TNR: variants seen among roughly 807,000 people sequenced by gnomAD.
The protein encoded by TNR is tenascin R.
A neutral mutation model predicts 150.4 loss-of-function variants in TNR; 45 were observed. The observed-to-expected ratio is 0.30, with a 90% CI of 0.24 to 0.38. The LOEUF is 0.38. Ranked by LOEUF, TNR falls within the 10% of genes least tolerant of loss-of-function variation. TNR has a pLI of 1.00. For missense variants in TNR, 1,544 were observed against 1,759.1 expected, an observed-to-expected ratio of 0.88 and a Z score of 2.19; for synonymous variants, 687 against 678.4, an observed-to-expected ratio of 1.01 and a Z score of -0.20.
chr1:175,552,163 G>A (rs895922774), intron 1 of TNR, among the ~76,000 whole-genome samples: 1 of 152,212 alleles, frequency 6.6e-6, no homozygotes, highest in African/African-American at 2.4e-5. Context: ...CCAATTCCAT[G>A]TCGGTAGGTA....
intron 22 of TNR, 102 bp from the exon 23 acceptor site, chr1:175,323,578 T>C: frequency 6.6e-7 from 1 of 1,508,192 alleles, no homozygotes; most frequent in Non-Finnish European, 8.9e-7. Flanking sequence ...CAATGTGGGG[T>C]TAGCTATTTT....
intron 1 of TNR, among the ~76,000 whole-genome samples, chr1:175,681,665 A>G (rs1271765486): frequency 2.0e-5 from 3 of 152,174 alleles, no homozygotes; most frequent in African/African-American, 7.2e-5. Context: ...TTCCTCTGTA[A>G]CCACGTCTCC....
chr1:175,427,870 C>G (rs1655079047), intron 2 of TNR, among the ~76,000 whole-genome samples: 1 of 125,526 alleles, frequency 8.0e-6, no homozygotes, highest in South Asian at 2.6e-4. Flanking sequence ...TCCTTCCTTC[C>G]TTCTTCCCTC....
chr1:175,456,874 G>A (rs1656594359), intron 2 of TNR, among the ~76,000 whole-genome samples: 1 of 152,190 alleles, frequency 6.6e-6, no homozygotes, highest in Non-Finnish European at 1.5e-5. Flanking sequence ...GGAGGTCAGG[G>A]CAGTAAGGGG....
chr1:175,606,486 T>A (rs1295179878), intron 1 of TNR, among the ~76,000 whole-genome samples: 2 of 152,212 alleles, frequency 1.3e-5, no homozygotes. Flanking sequence ...ACTCTAAATT[T>A]GTCACAAATC....
intron 4 of TNR, among the ~76,000 whole-genome samples, chr1:175,400,118 G>C (rs2102042577): frequency 6.6e-6 from 1 of 152,302 alleles, no homozygotes; most frequent in South Asian, 2.1e-4. Flanking sequence ...ACCATCACTG[G>C]GGACAGATGT....
chr1:175,458,022 C>T (rs1656641019), intron 2 of TNR, among the ~76,000 whole-genome samples: 1 of 152,182 alleles, frequency 6.6e-6, no homozygotes. Context: ...CCTAGGTTTT[C>T]CATCTGTAAA....
chr1:175,344,807 C>G (rs1449197996), intron 18 of TNR, among the ~76,000 whole-genome samples: 1 of 152,174 alleles, frequency 6.6e-6, no homozygotes, highest in Non-Finnish European at 1.5e-5. Flanking sequence ...TTTATATACT[C>G]TTTTCCAGGA....
chr1:175,544,424 A>G (rs1006982905), intron 1 of TNR, among the ~76,000 whole-genome samples: 5 of 152,216 alleles, frequency 3.3e-5, no homozygotes, highest in African/African-American at 1.2e-4. Flanking sequence ...GGAACAATTA[A>G]GCCTTCTCAG....
rs539162445 is a variant in TNR at position 175,635,937 on chromosome 1, T to C, written c.-165+107289A>G. Among the ~76,000 whole-genome samples, 178 of 152,310 alleles carry C rather than the reference T, an allele frequency of 1.2e-3. 1 individual carries two copies. The highest frequency in any genetic ancestry group is 4.2e-3 in the African/African-American group (173 of 41,560). Reference sequence around the variant, plus strand: ...TTCCCTACACAGATATCATACATACTCAGTTTTGGAGAGCTATTTATTACA... The same window carrying C: ...TTCCCTACACAGATATCATACATACCCAGTTTTGGAGAGCTATTTATTACA... On this transcript the variant is annotated intron_variant, in intron 1 of 22. Transcript: ENST00000367674.
At chr1:175,515,649 G>T (rs1277943277) in intron 2 of TNR, among the ~76,000 whole-genome samples, 1 of 152,228 alleles carries the variant, frequency 6.6e-6, no homozygotes, top group East Asian at 1.9e-4. Flanking sequence ...TGCATTCCTT[G>T]CTAAGAAAGT....
In TNR at chr1:175,331,157, TTTTCTTTCCTTCCTTC is replaced by T. The variant is rs1473016633; in HGVS notation, c.3632-938_3632-923del. On this transcript the variant is annotated intron_variant, in intron 20 of 22. Transcript: ENST00000367674. ...TTTCTTTCTTTCTTCCTTTCTTTCT[TTTTCTTTCCTTCCTTC>T]CTTCCTTCCTTCCTTCCTTCCTTCC... is the stretch of plus-strand genomic sequence containing the variant. 5.5e-5 allele frequency among the ~76,000 whole-genome samples: 6 copies of T among 109,880 alleles called. 1 individual carries two copies. Among genetic ancestry groups the T allele is most frequent in the African/African-American group, 2.2e-4 (6 of 27,708 alleles). 72.1% of individuals were successfully genotyped at this position (109,880 alleles called of 152,430 possible).
intron 22 of TNR, among the ~76,000 whole-genome samples, chr1:175,323,895 G>C (rs903515180): frequency 6.6e-6 from 1 of 152,146 alleles, no homozygotes; most frequent in Non-Finnish European, 1.5e-5. Flanking sequence ...GAACTGAAGG[G>C]CTTCCCTGAT....
rs76328285 is a variant in TNR at position 175,679,129 on chromosome 1, T to C, written c.-165+64097A>G. Among the ~76,000 whole-genome samples the C allele has an allele frequency of 8.9e-3, 1,356 of 152,346 alleles. 12 individuals are homozygous for C. Among genetic ancestry groups the C allele is most frequent in the South Asian group, 0.018 (86 of 4,826 alleles). On this transcript the variant is annotated intron_variant, in intron 1 of 22. Transcript: ENST00000367674. ...TGAATTCTCTATATTTTACTATTGA[T>C]AAAGTTTACCCTTAGGGGTCAGGGT... is the stretch of plus-strand genomic sequence containing the variant.
intron 1 of TNR, among the ~76,000 whole-genome samples, chr1:175,668,565 G>T (rs1665598660): frequency 6.6e-6 from 1 of 152,146 alleles, no homozygotes; most frequent in Non-Finnish European, 1.5e-5. Context: ...CTGGGCAAAA[G>T]GGAGAAGCAG....
intron 9 of TNR, among the ~76,000 whole-genome samples, chr1:175,376,964 C>T (rs754780865): frequency 3.3e-5 from 5 of 151,600 alleles, no homozygotes; most frequent in South Asian, 2.1e-4. Flanking sequence ...ATTTTCCCAT[C>T]GCTTCTAGGT....
At position 175,493,080 on chromosome 1, in the gene TNR, G is replaced by A. The variant is rs529833876; in HGVS notation, c.-64+35189C>T. On this transcript the variant is annotated intron_variant, in intron 2 of 22. Coordinates refer to ENST00000367674, the MANE Select transcript of TNR (RefSeq NM_003285.3). The stretch of plus-strand genomic sequence containing the variant: ...TGACACATTATTCTCTGCTGTACCC[G>A]TCAGAAGGCAGGTGTCATTTCCTCA... Among the ~76,000 whole-genome samples the A allele has an allele frequency of 3.9e-5, 6 of 152,140 alleles. No individual in the cohort carries two copies. The South Asian group carries it at 8.3e-4, about 21-fold the overall frequency.
At chr1:175,428,113 G>A (rs984983630) in intron 2 of TNR, among the ~76,000 whole-genome samples, 3 of 152,188 alleles carry the variant, frequency 2.0e-5, no homozygotes, top group Non-Finnish European at 4.4e-5. Context: ...AGATGTGTAA[G>A]TTGGTGAATT....
At chr1:175,503,744 C>T (rs1354144929) in intron 2 of TNR, among the ~76,000 whole-genome samples, 1 of 152,156 alleles carries the variant, frequency 6.6e-6, no homozygotes, top group Admixed American at 6.5e-5. Flanking sequence ...GAGCAATTTG[C>T]AGAGAGTAAA....
Sources: gnomAD v4.1 joint callset for allele counts (sites outside exome capture counted in the v4.1 genomes callset) on GRCh38, gnomAD v4.1.1 for gene constraint, MANE v1.5 for transcripts, NCBI Gene and HGNC (gene_info 2026-07-23, HGNC 2026-07-21) for gene names.